Variants in GXYLT2 observed in about 807,000 individuals in gnomAD.
GXYLT2 encodes glucoside xylosyltransferase 2, also known as glycosyltransferase 8 domain containing 4.
A neutral mutation model predicts 45.8 loss-of-function variants in GXYLT2; 53 were observed. The ratio of observed to expected loss-of-function variants is 1.16; its 90% CI spans 0.93 to 1.46. The LOEUF (loss-of-function observed/expected upper bound fraction) is 1.46, where lower values mean the gene tolerates loss of function less well. GXYLT2 is among the 40% of genes most tolerant of loss of function. GXYLT2 has a pLI of 0.00. For synonymous variants in GXYLT2, 219 were observed against 214.2 expected, an observed-to-expected ratio of 1.02 and a Z score of -0.19; for missense variants, 551 against 544.4, an observed-to-expected ratio of 1.01 and a Z score of -0.12.
At chr3:72,919,184 A>G (rs1709788084) in intron 2 of GXYLT2, among the ~76,000 whole-genome samples, 1 of 152,238 alleles carries the variant, frequency 6.6e-6, no homozygotes, top group African/African-American at 2.4e-5. Flanking sequence ...CGGTACACAG[A>G]TGTTTGTAGC....
intron 3 of GXYLT2, among the ~76,000 whole-genome samples, chr3:72,925,058 A>T (rs1709893536): frequency 6.6e-6 from 1 of 152,132 alleles, no homozygotes; most frequent in African/African-American, 2.4e-5. Context: ...GGCATTTCCT[A>T]CGCAGAGACC....
intron 1 of GXYLT2, among the ~76,000 whole-genome samples, chr3:72,903,007 G>T (rs191785469): frequency 6.6e-6 from 1 of 152,070 alleles, no homozygotes; most frequent in Admixed American, 6.6e-5. Context: ...GTGAGACTCC[G>T]TCTCAAAAAA....
intron 3 of GXYLT2, among the ~76,000 whole-genome samples, chr3:72,943,972 C>G (rs1319844284): frequency 6.6e-6 from 1 of 152,094 alleles, no homozygotes; most frequent in African/African-American, 2.4e-5. Flanking sequence ...GCGTGAGCCA[C>G]CATGCCTGGC....
At chr3:72,920,411 A>C (rs1192211866) in intron 2 of GXYLT2, among the ~76,000 whole-genome samples, 1 of 152,154 alleles carries the variant, frequency 6.6e-6, no homozygotes, top group East Asian at 1.9e-4. Flanking sequence ...ATGAGATTAC[A>C]GGCGTCAGCC....
chr3:72,936,091 AC>A (rs1710170805), intron 3 of GXYLT2, among the ~76,000 whole-genome samples: 1 of 152,106 alleles, frequency 6.6e-6, no homozygotes, highest in African/African-American at 2.4e-5. Flanking sequence ...GGAGATCAAG[AC>A]CATCCTAGCT....
chr3:72,944,061 A>T (rs1288808725), intron 3 of GXYLT2, among the ~76,000 whole-genome samples: 1 of 151,732 alleles, frequency 6.6e-6, no homozygotes, highest in African/African-American at 2.4e-5. Flanking sequence ...ATAGATTAAT[A>T]GTTGATATTT....
intron 4 of GXYLT2, among the ~76,000 whole-genome samples, chr3:72,955,710 GTGATCTCA>G (rs1171060790): frequency 1.3e-5 from 2 of 152,116 alleles, no homozygotes; most frequent in Non-Finnish European, 1.5e-5. Context: ...AAGGATGTTC[GTGATCTCA>G]TCTTTTATCC....
intron 1 of GXYLT2, among the ~76,000 whole-genome samples, chr3:72,898,839 C>G (rs1709344936): frequency 6.6e-6 from 1 of 152,082 alleles, no homozygotes; most frequent in Non-Finnish European, 1.5e-5. Flanking sequence ...TAAAGTGATT[C>G]TCCTGCCTAA....
chr3:72,932,472 C>A (rs994072471), intron 3 of GXYLT2, among the ~76,000 whole-genome samples: 1 of 152,164 alleles, frequency 6.6e-6, no homozygotes, highest in Non-Finnish European at 1.5e-5. Context: ...ATTGTTTAAT[C>A]CAAAGTCATG....
chr3:72,891,216 T>G (rs548815352), intron 1 of GXYLT2, among the ~76,000 whole-genome samples: 2 of 152,292 alleles, frequency 1.3e-5, no homozygotes, highest in East Asian at 3.9e-4. Flanking sequence ...ATCTCATTTC[T>G]CTGGCCTGGG....
At chr3:72,898,266 CT>C (rs1197454852) in intron 1 of GXYLT2, among the ~76,000 whole-genome samples, 1 of 152,164 alleles carries the variant, frequency 6.6e-6, no homozygotes, top group African/African-American at 2.4e-5. Flanking sequence ...CCCCTCTAAG[CT>C]TTAAAGTCTT....
In GXYLT2 at chr3:72,888,165, T is replaced by A. The variant is rs1475948442; in HGVS notation, c.-69T>A. ...CGACCGCCGCGCGCTGCTGCACTCA[T>A]CCTGCCGCCGCCGCGATGCGCAGAG... is the stretch of plus-strand genomic sequence containing the variant. On this transcript the variant is annotated 5_prime_UTR_variant, in exon 1 of 7. Coordinates refer to ENST00000389617, the MANE Select transcript of GXYLT2 (RefSeq NM_001080393.2). The A allele has an allele frequency of 2.1e-6, 2 of 968,844 alleles. No homozygotes were observed. Among genetic ancestry groups the A allele is most frequent in the African/African-American group, 3.6e-5 (2 of 55,758 alleles). The allele number at this position is 968,844 out of a possible 1,614,324, so 60.0% of individuals were successfully genotyped here.
At chr3:72,893,739 T>C (rs992432744) in intron 1 of GXYLT2, among the ~76,000 whole-genome samples, 2 of 152,332 alleles carry the variant, frequency 1.3e-5, no homozygotes, top group Admixed American at 1.3e-4. Context: ...TTCAAAATAG[T>C]CCCATACCCT....
chr3:72,915,354 T>TTTTGGGGG (rs71126805), intron 2 of GXYLT2, among the ~76,000 whole-genome samples: 3 of 33,482 alleles, frequency 9.0e-5, no homozygotes, highest in African/African-American at 4.9e-4. Flanking sequence ...TTTTTTTTTT[T>TTTTGGGGG]GCGGGGGGGG....
intron 5 of GXYLT2, among the ~76,000 whole-genome samples, chr3:72,962,783 C>T (rs1710792232): frequency 6.6e-6 from 1 of 151,898 alleles, no homozygotes; most frequent in South Asian, 2.1e-4. Flanking sequence ...ATGGAGGAAA[C>T]AAATGAGGGG....
intron 3 of GXYLT2, among the ~76,000 whole-genome samples, chr3:72,951,797 T>C (rs1488747671): frequency 1.3e-5 from 2 of 151,908 alleles, no homozygotes; most frequent in African/African-American, 4.9e-5. Flanking sequence ...AATTCTGTTT[T>C]TTTGTTTTGT....
chr3:72,889,915 T>G (rs990110785), intron 1 of GXYLT2, among the ~76,000 whole-genome samples: 8 of 149,962 alleles, frequency 5.3e-5, no homozygotes, highest in South Asian at 2.1e-4. Context: ...TTGTTTTTTT[T>G]TTTTTTTTGT....
At position 72,956,559 on chromosome 3, in the gene GXYLT2, T is replaced by C. The variant is rs568401806; in HGVS notation, c.853-670T>C. On this transcript the variant is annotated intron_variant, in intron 4 of 6. Coordinates refer to ENST00000389617, the MANE Select transcript of GXYLT2 (RefSeq NM_001080393.2). ...AAGAAAGATGTTCACCTAAGAAAGG[T>C]GAAGTAGAGTAGAGAATCCTGAAGT... Among the ~76,000 whole-genome samples the C allele has an allele frequency of 5.3e-5, 8 of 151,982 alleles. 1 individual carries two copies. Among genetic ancestry groups the C allele is most frequent in the African/African-American group, 1.9e-4 (8 of 41,446 alleles).
chr3:72,895,880 A>G (rs1010957910), intron 1 of GXYLT2, among the ~76,000 whole-genome samples: 4 of 152,258 alleles, frequency 2.6e-5, no homozygotes, highest in African/African-American at 9.6e-5. Flanking sequence ...TTTTAGCAAC[A>G]TGAGAGACTG....
Sources: allele counts gnomAD v4.1 joint callset (sites outside exome capture counted in the v4.1 genomes callset), GRCh38; gene constraint gnomAD v4.1.1; transcripts MANE v1.5; gene names NCBI Gene and HGNC (gene_info 2026-07-23, HGNC 2026-07-21).